The following COL18A1 variants were observed in gnomAD, a reference collection of about 807,000 sequenced individuals.
The protein encoded by COL18A1 is collagen alpha-1(XVIII) chain.
A neutral mutation model predicts 168.0 loss-of-function variants in COL18A1; 133 were observed. That is an observed-to-expected ratio of 0.79 (90% CI 0.69 to 0.91). The LOEUF (loss-of-function observed/expected upper bound fraction) is 0.91. Ranked by LOEUF, COL18A1 falls within the 40% of genes least tolerant of loss-of-function variation. COL18A1 has a pLI of 0.00. For missense variants in COL18A1, 2,126 were observed against 1,925.4 expected (o/e 1.10, Z -1.95); for synonymous variants, 949 against 809.0 (o/e 1.17, Z -2.94).
intron 2 of COL18A1, among the ~76,000 whole-genome samples, chr21:45,413,233 G>A (rs1477289627): frequency 6.6e-6 from 1 of 152,244 alleles, no homozygotes; most frequent in African/African-American, 2.4e-5. Flanking sequence ...CACAGCTTTT[G>A]TGCTGCTTCT....
At chr21:45,486,649 G>A (rs1044478336) in intron 15 of COL18A1, among the ~76,000 whole-genome samples, 3 of 152,242 alleles carry the variant, frequency 2.0e-5, no homozygotes, top group African/African-American at 7.2e-5. Flanking sequence ...CGGGCTCCGT[G>A]GCTCTCTCCT....
chr21:45,505,443 G>T lies in COL18A1; in HGVS notation c.3087+12G>T. 1 of 1,484,352 alleles carries T rather than the reference G, an allele frequency of 6.7e-7. No homozygotes were observed. The allele number at this position is 1,484,352 out of a possible 1,614,324, so 91.9% of individuals were successfully genotyped here. On this transcript the variant is annotated intron_variant, in intron 36 of 41. Coordinates refer to ENST00000651438, the MANE Select transcript of COL18A1 (RefSeq NM_001379500.1). ...GCGCCTCCTCAGGGGTAAGTGTCTG[G>T]GCAGCCGGCTGGGCACCTGCGTCCC...
rs2035426799 is a variant in COL18A1 at position 45,471,489 on chromosome 21, C to T, written c.652-2406C>T. Among the ~76,000 whole-genome samples, 1 of 152,222 alleles carries T rather than the reference C, an allele frequency of 6.6e-6. No homozygotes were observed. Among genetic ancestry groups the T allele is most frequent in the African/African-American group, 2.4e-5 (1 of 41,458 alleles). On this transcript the variant is annotated intron_variant, in intron 3 of 41. Transcript: ENST00000651438. This position sits in a 1 kb window ranked among gnomAD's most constrained non-coding sequence, Gnocchi z 4.4. ...CGAGGCTTCCTCCTCCTCAGCCTCTCCACAAGACTGCATCGACCCTGGCGC... is the reference window on the plus strand; with the variant it reads ...CGAGGCTTCCTCCTCCTCAGCCTCTTCACAAGACTGCATCGACCCTGGCGC...
At chr21:45,453,321 C>T (rs1223538548) in intron 2 of COL18A1, among the ~76,000 whole-genome samples, 2 of 152,192 alleles carry the variant, frequency 1.3e-5, no homozygotes, top group Admixed American at 1.3e-4. Flanking sequence ...TCACATGTGA[C>T]ATATATGGCA....
At chr21:45,411,207 T>A (rs1314800605) in intron 2 of COL18A1, among the ~76,000 whole-genome samples, 1 of 152,052 alleles carries the variant, frequency 6.6e-6, no homozygotes, top group African/African-American at 2.4e-5. Context: ...GGGCAGGACA[T>A]CGTCTGCAGT....
At chr21:45,472,490 C>T (rs1271872471) in intron 3 of COL18A1, among the ~76,000 whole-genome samples, 3 of 152,226 alleles carry the variant, frequency 2.0e-5, no homozygotes, top group Non-Finnish European at 4.4e-5. Flanking sequence ...GGATTACAGG[C>T]GTGAGCCACT....
intron 2 of COL18A1, among the ~76,000 whole-genome samples, chr21:45,458,957 G>A (rs1181151470): frequency 1.3e-5 from 2 of 152,212 alleles, no homozygotes; most frequent in Non-Finnish European, 2.9e-5. Flanking sequence ...AGGAATTTCT[G>A]CAACTGCAGC....
chr21:45,413,494 C>T lies in COL18A1; in HGVS notation c.106+8021C>T, dbSNP rs1043884002. ...GCTGTCAGGAGACTTCTGAGAAAGC[C>T]GGGCCTCTTTTGCCCCAGCGAGGAG... On this transcript the variant is annotated intron_variant, in intron 2 of 41. Coordinates refer to ENST00000651438, the MANE Select transcript of COL18A1 (RefSeq NM_001379500.1). Among the ~76,000 whole-genome samples the T allele has an allele frequency of 3.2e-4, 48 of 152,350 alleles. 2 individuals carry two copies. Among genetic ancestry groups the T allele is most frequent in the East Asian group, 1.9e-4 (1 of 5,184 alleles).
chr21:45,464,913 A>G (rs2145879735), intron 2 of COL18A1, among the ~76,000 whole-genome samples: 1 of 151,608 alleles, frequency 6.6e-6, no homozygotes, highest in South Asian at 2.1e-4. Flanking sequence ...TGCCGTGGAC[A>G]TCCTTGGGGC....
chr21:45,444,357 G>A (rs2034459908), intron 2 of COL18A1, among the ~76,000 whole-genome samples: 1 of 152,094 alleles, frequency 6.6e-6, no homozygotes, highest in Admixed American at 6.5e-5. Flanking sequence ...GTGCAGGGGT[G>A]TAGTGAGGTG....
At chr21:45,455,477 A>G (rs1200980543) in intron 2 of COL18A1, 1 of 1,604,842 alleles carries the variant, frequency 6.2e-7, no homozygotes, top group East Asian at 2.2e-5. Context: ...GGCTAGCCCC[A>G]CCTCCAGGCA....
intron 2 of COL18A1, among the ~76,000 whole-genome samples, chr21:45,405,943 C>T (rs2033091909): frequency 6.6e-6 from 1 of 151,968 alleles, no homozygotes; most frequent in African/African-American, 2.4e-5. Flanking sequence ...GCCTTGTGCG[C>T]CTCTGTCCCC....
intron 22 of COL18A1, among the ~76,000 whole-genome samples, 195 bp downstream of exon 22, chr21:45,491,509 T>A (rs1470723681): frequency 1.1e-5 from 1 of 88,958 alleles, no homozygotes; most frequent in Non-Finnish European, 2.5e-5. Context: ...CAGCTCCATG[T>A]GGTGTTGGAG....
rs573085907 is a variant in COL18A1, at chr21:45,456,634, C to T, written c.107-11608C>T. 1.7e-4 allele frequency: 263 copies of T among 1,537,898 alleles called. No homozygotes were observed. The highest frequency in any genetic ancestry group is 1.7e-3 in the Admixed American group (85 of 50,852). ...ACGAGAGCGGCGAGCAGGTGCGGGC[C>T]GGGGCACGGGCGTGGGGGGGCCTGC... On this transcript the variant is annotated intron_variant, in intron 2 of 41. Transcript: ENST00000651438.
chr21:45,460,228 G>A (rs913541252), intron 2 of COL18A1, among the ~76,000 whole-genome samples: 1 of 152,232 alleles, frequency 6.6e-6, no homozygotes, highest in African/African-American at 2.4e-5. Flanking sequence ...GAGACCAGCA[G>A]GCATCCACCC....
chr21:45,414,900 C>T (rs976713053), intron 2 of COL18A1, among the ~76,000 whole-genome samples: 51 of 152,152 alleles, frequency 3.4e-4, no homozygotes, highest in Non-Finnish European at 6.8e-4. Flanking sequence ...GTGGGCCCCA[C>T]GTCATTACGA....
chr21:45,503,374 G>A (rs1283884647), intron 32 of COL18A1, among the ~76,000 whole-genome samples: 1 of 151,942 alleles, frequency 6.6e-6, no homozygotes, highest in South Asian at 2.1e-4. Flanking sequence ...GTCTTCTTTT[G>A]AGAAGTGTCT....
intron 29 of COL18A1, 180 bp downstream of exon 29, chr21:45,495,612 A>G (rs2036503027): frequency 3.8e-6 from 2 of 526,406 alleles, no homozygotes; most frequent in Non-Finnish European, 7.0e-6. Context: ...ACACACGCAC[A>G]CGTGTGCCCA....
chr21:45,480,393 G>C, intron 11 of COL18A1, 74 bp from the exon 12 acceptor site: 2 of 1,612,502 alleles, frequency 1.2e-6, no homozygotes, highest in Non-Finnish European at 1.7e-6. Context: ...TGCAGCTTGC[G>C]GGGCAGGGGC....
Sources: gnomAD v4.1 joint callset for allele counts (sites outside exome capture counted in the v4.1 genomes callset) on GRCh38, gnomAD v4.1.1 for gene constraint, Gnocchi (gnomAD v3.1) non-coding constraint, MANE v1.5 for transcripts, NCBI Gene and HGNC (gene_info 2026-07-23, HGNC 2026-07-21) for gene names.